Variants in IGF2BP3 observed in about 807,000 individuals in gnomAD.
IGF2BP3 encodes insulin like growth factor 2 mRNA binding protein 3.
In IGF2BP3, 9 loss-of-function variants were observed where a neutral mutation model predicts 73.8. The ratio of observed to expected loss-of-function variants is 0.12; its 90% CI spans 0.07 to 0.21. IGF2BP3 has a LOEUF of 0.21. Ranked by LOEUF, IGF2BP3 falls within the 10% of genes least tolerant of loss-of-function variation. The pLI is 1.00. For missense variants in IGF2BP3, 542 were observed against 714.0 expected, an observed-to-expected ratio of 0.76 and a Z score of 2.75; for synonymous variants, 258 against 256.7, an observed-to-expected ratio of 1.01 and a Z score of -0.05.
chr7:23,323,393 A>G (rs545559471), intron 10 of IGF2BP3, among the ~76,000 whole-genome samples: 3,587 of 144,978 alleles, frequency 0.025, 155 homozygotes, highest in African/African-American at 0.091. Flanking sequence ...ATATGCACCC[A>G]ATACAGGAGC....
chr7:23,412,085 C>A (rs1056275741), intron 3 of IGF2BP3, among the ~76,000 whole-genome samples: 2 of 148,546 alleles, frequency 1.3e-5, no homozygotes, highest in Non-Finnish European at 3.0e-5. Flanking sequence ...TAGGCTCAAG[C>A]AATTTTTGTG....
intron 3 of IGF2BP3, among the ~76,000 whole-genome samples, chr7:23,366,588 C>A (rs1205038789): frequency 1.3e-5 from 2 of 148,560 alleles, no homozygotes; most frequent in Non-Finnish European, 3.0e-5. Flanking sequence ...AGCAAAAAAA[C>A]CCCTCTAATC....
chr7:23,453,521 T>C (rs1788247965), intron 2 of IGF2BP3, among the ~76,000 whole-genome samples: 1 of 152,214 alleles, frequency 6.6e-6, no homozygotes, highest in Non-Finnish European at 1.5e-5. Flanking sequence ...CTTGGCGATT[T>C]GGATGGAGCT....
chr7:23,346,231 A>G (rs1784825133), intron 7 of IGF2BP3, 169 bp from the exon 8 acceptor site: 1 of 587,752 alleles, frequency 1.7e-6, no homozygotes, highest in Admixed American at 3.5e-5. Context: ...CAATGCATGA[A>G]TAGAAGGGGA....
At chr7:23,448,068 G>C (rs1299326820) in intron 2 of IGF2BP3, among the ~76,000 whole-genome samples, 2 of 152,194 alleles carry the variant, frequency 1.3e-5, no homozygotes, top group Non-Finnish European at 2.9e-5. Context: ...CCCAGGGCAA[G>C]GAAAGCTGTC....
At chr7:23,394,093 G>C (rs1786371956) in intron 3 of IGF2BP3, among the ~76,000 whole-genome samples, 1 of 152,028 alleles carries the variant, frequency 6.6e-6, no homozygotes, top group Non-Finnish European at 1.5e-5. Context: ...TAGTGTTATA[G>C]GTTTCTAAAG....
intron 2 of IGF2BP3, among the ~76,000 whole-genome samples, chr7:23,466,712 T>C (rs1024929666): frequency 2.0e-5 from 3 of 152,206 alleles, no homozygotes; most frequent in African/African-American, 7.2e-5. Flanking sequence ...TAACAGGTAA[T>C]GTTTTTAAAT....
chr7:23,413,628 T>C (rs767272657), intron 3 of IGF2BP3: 3 of 152,170 alleles, frequency 2.0e-5, no homozygotes, highest in Non-Finnish European at 2.9e-5. Flanking sequence ...CCTACCCTTA[T>C]CCATTTAAGG....
At position 23,312,298 on chromosome 7, in the gene IGF2BP3, T is replaced by A. The variant is rs1181008802; in HGVS notation, c.*64A>T. 9.3e-6 allele frequency: 11 copies of A among 1,183,754 alleles called. No homozygotes were observed. In the Middle Eastern group the frequency reaches 1.1e-3, roughly 118 times the overall value. The allele number at this position is 1,183,754 out of a possible 1,614,324, so 73.3% of individuals were successfully genotyped here. On this transcript the variant is annotated 3_prime_UTR_variant, in exon 15 of 15. Coordinates refer to ENST00000258729, the MANE Select transcript of IGF2BP3 (RefSeq NM_006547.3). ...TCTGGATAGGGGGTCAGCGCCCATC[T>A]GTTGGTTAAGCAATCTGTCTTTGGT... is the stretch of plus-strand genomic sequence containing the variant.
rs755530847 is a variant in IGF2BP3, at chr7:23,347,695, C to T, written c.723G>A (p.Glu241=). The T allele has an allele frequency of 6.2e-7, 1 of 1,614,094 alleles. No homozygotes were observed. The highest frequency in any genetic ancestry group is 1.7e-5 in the Admixed American group (1 of 60,024). Residue 241 remains glutamate (E), a synonymous_variant, in exon 7 of 15, where the codon GAG becomes GAA. Coordinates refer to ENST00000258729, the MANE Select transcript of IGF2BP3 (RefSeq NM_006547.3). ...GAGTAGAGAGGATAGTAATCGACTT[C>T]TCAGCAGCCCCCGCATTTTCTTTAC... ...VHRKENAGAA[E]KSITILSTPE...
At position 23,325,323 on chromosome 7, in the gene IGF2BP3, T is replaced by C. The variant is rs541390125; in HGVS notation, c.1204-6069A>G. The stretch of plus-strand genomic sequence containing the variant: ...ATCATGAGTGAACTCCCATTCACAA[T>C]TGCTTCAAAGAGAATAAAATACCTA... On this transcript the variant is annotated intron_variant, in intron 10 of 14. Coordinates refer to ENST00000258729, the MANE Select transcript of IGF2BP3 (RefSeq NM_006547.3). Among the ~76,000 whole-genome samples the C allele has an allele frequency of 1.3e-3, 201 of 152,280 alleles. No individual in the cohort carries two copies. In the Middle Eastern group the frequency reaches 0.017, roughly 13 times the overall value.
At chr7:23,327,215 CAAGTT>C (rs1321533937) in intron 10 of IGF2BP3, among the ~76,000 whole-genome samples, 1 of 151,794 alleles carries the variant, frequency 6.6e-6, no homozygotes, top group African/African-American at 2.4e-5. Context: ...CCCAAGTACT[CAAGTT>C]AACCCATCAG....
chr7:23,444,044 G>A (rs1302712142), intron 2 of IGF2BP3, among the ~76,000 whole-genome samples: 2 of 152,094 alleles, frequency 1.3e-5, no homozygotes, highest in African/African-American at 4.8e-5. Flanking sequence ...AACACCATTA[G>A]AATTAAATTT....
intron 5 of IGF2BP3, among the ~76,000 whole-genome samples, chr7:23,361,163 C>G (rs770101734): frequency 6.6e-6 from 1 of 152,176 alleles, no homozygotes; most frequent in Non-Finnish European, 1.5e-5. Flanking sequence ...CATGATCCAA[C>G]TTACCAGCTT....
chr7:23,411,975 C>T (rs1289463310), intron 3 of IGF2BP3, among the ~76,000 whole-genome samples: 1 of 142,698 alleles, frequency 7.0e-6, no homozygotes, highest in Non-Finnish European at 1.5e-5. Flanking sequence ...TACTTTCCCA[C>T]TTATTTCTCT....
At position 23,310,597 on chromosome 7, in the gene IGF2BP3, GAAA is replaced by G. The variant is rs934046559; in HGVS notation, c.*1762_*1764del. On this transcript the variant is annotated 3_prime_UTR_variant, in exon 15 of 15. Coordinates refer to ENST00000258729, the MANE Select transcript of IGF2BP3 (RefSeq NM_006547.3). ...TTTTAGCAATTTTAATTCATTGTAT[GAAA>G]AAAAAATCATGAATGCTAGGAGAAT... 6.6e-6 allele frequency: 1 copy of G among 151,316 alleles called. No individual in the cohort carries two copies. The highest frequency in any genetic ancestry group is 2.4e-5 in the African/African-American group (1 of 41,270). 9.4% of individuals were successfully genotyped at this position (151,316 alleles called of 1,614,324 possible). A position where few individuals can be genotyped will look rare whatever the true frequency, so the allele number is the denominator to read the frequency against.
intron 2 of IGF2BP3, among the ~76,000 whole-genome samples, chr7:23,464,300 C>T (rs1039262697): frequency 6.6e-6 from 1 of 152,168 alleles, no homozygotes; most frequent in African/African-American, 2.4e-5. Flanking sequence ...ATTTTAAACA[C>T]AAGACTAATA....
chr7:23,454,016 C>A (rs889433270), intron 2 of IGF2BP3, among the ~76,000 whole-genome samples: 1 of 152,072 alleles, frequency 6.6e-6, no homozygotes, highest in South Asian at 2.1e-4. Context: ...TTTGCAGGGA[C>A]GGGGTTTCGC....
chr7:23,321,419 C>A (rs568856258), intron 10 of IGF2BP3, among the ~76,000 whole-genome samples: 3 of 152,312 alleles, frequency 2.0e-5, no homozygotes, highest in East Asian at 1.9e-4. Context: ...CTCGGAGGGT[C>A]GTACGCCCAC....
Sources: gnomAD v4.1 joint callset for allele counts (sites outside exome capture counted in the v4.1 genomes callset) on GRCh38, gnomAD v4.1.1 for gene constraint, MANE v1.5 for transcripts, NCBI Gene and HGNC (gene_info 2026-07-23, HGNC 2026-07-21) for gene names.